The following DNAH14 variants were observed in gnomAD, a reference collection of about 807,000 sequenced individuals.
DNAH14 encodes the protein axonemal beta dynein heavy chain 14.
In DNAH14, 478 loss-of-function variants were observed where a neutral mutation model predicts 520.9. That is an observed-to-expected ratio of 0.92 (90% CI 0.85 to 0.99). The LOEUF (loss-of-function observed/expected upper bound fraction) is 0.99. Ranked by LOEUF, DNAH14 falls within the 50% of genes least tolerant of loss-of-function variation. The pLI is 0.00. For synonymous variants in DNAH14, 1,581 were observed against 1,757.2 expected, an observed-to-expected ratio of 0.90 and a Z score of 2.51; for missense variants, 4,831 against 5,234.5, an observed-to-expected ratio of 0.92 and a Z score of 2.38.
chr1:225,025,673 T>G (rs914947117), intron 11 of DNAH14, among the ~76,000 whole-genome samples: 1 of 152,150 alleles, frequency 6.6e-6, no homozygotes, highest in Admixed American at 6.6e-5. Context: ...GAGGATCACT[T>G]GAGCCCAGGA....
chr1:224,952,570 A>G (rs962651592), intron 1 of DNAH14, 100 bp from the exon 2 acceptor site: 11 of 571,490 alleles, frequency 1.9e-5, no homozygotes, highest in South Asian at 6.5e-5. Context: ...TATTAAGCCT[A>G]TTGAGAAGCT....
At chr1:225,110,950 TG>T (rs1264622219) in intron 23 of DNAH14, among the ~76,000 whole-genome samples, 1 of 152,154 alleles carries the variant, frequency 6.6e-6, no homozygotes, top group Non-Finnish European at 1.5e-5. Flanking sequence ...CTCTTGTAAT[TG>T]AATTCTAGTT....
intron 11 of DNAH14, among the ~76,000 whole-genome samples, chr1:225,031,768 A>G (rs2066546698): frequency 6.6e-6 from 1 of 151,962 alleles, no homozygotes; most frequent in Non-Finnish European, 1.5e-5. Context: ...TTAGTTGTTC[A>G]TGTATTTTAA....
chr1:225,377,577 T>C, intron 79 of DNAH14, 141 bp downstream of exon 79: 1 of 753,364 alleles, frequency 1.3e-6, no homozygotes, highest in South Asian at 2.2e-5. Context: ...CTGAGCAACA[T>C]GGTGAAACCC....
At chr1:225,375,319 A>G (rs1023862088) in intron 78 of DNAH14, among the ~76,000 whole-genome samples, 3 of 152,216 alleles carry the variant, frequency 2.0e-5, no homozygotes, top group African/African-American at 7.2e-5. Flanking sequence ...TTTGTGGAGC[A>G]GAAAACTCCA....
chr1:225,284,007 A>C (rs1604778), intron 54 of DNAH14, among the ~76,000 whole-genome samples: 84,015 of 151,896 alleles, frequency 0.55, 23,520 homozygotes, highest in East Asian at 0.79. Flanking sequence ...TAATATAAAG[A>C]TGTTCTTTAA....
At chr1:225,109,874 G>C (rs990977501) in intron 23 of DNAH14, among the ~76,000 whole-genome samples, 3 of 151,876 alleles carry the variant, frequency 2.0e-5, no homozygotes, top group South Asian at 4.2e-4. Context: ...TTATTTTGTT[G>C]GATATGTTTC....
chr1:225,367,479 T>C (rs190016597), intron 76 of DNAH14, among the ~76,000 whole-genome samples: 1 of 152,340 alleles, frequency 6.6e-6, no homozygotes, highest in Non-Finnish European at 1.5e-5. Flanking sequence ...CCATTGACAC[T>C]AAGTTTAGGC....
Position 225,202,682 on chromosome 1 carries a change from C to T in DNAH14, c.5887-1501C>T, listed in dbSNP as rs149340600. Reference sequence around the variant, plus strand: ...CTATGGAGTCTGCACACTGGATTCACGCCCTTCCCTGAGTTCTGACCAGGA... The same window carrying T: ...CTATGGAGTCTGCACACTGGATTCATGCCCTTCCCTGAGTTCTGACCAGGA... On this transcript the variant is annotated intron_variant, in intron 38 of 85. Transcript: ENST00000682510. Among the ~76,000 whole-genome samples the T allele has an allele frequency of 2.4e-4, 36 of 152,306 alleles. No individual in the cohort carries two copies. In the East Asian group the frequency reaches 5.0e-3, roughly 21 times the overall value.
At chr1:225,021,780 A>G (rs2065718553) in intron 10 of DNAH14, among the ~76,000 whole-genome samples, 1 of 152,190 alleles carries the variant, frequency 6.6e-6, no homozygotes, top group Non-Finnish European at 1.5e-5. Context: ...TCAAAAAAAA[A>G]ACTATTCTAA....
chr1:225,188,384 C>T (rs1288307393), intron 37 of DNAH14, among the ~76,000 whole-genome samples: 1 of 151,882 alleles, frequency 6.6e-6, no homozygotes, highest in Non-Finnish European at 1.5e-5. Flanking sequence ...ACAAAGATTA[C>T]ATTCATATCA....
intron 41 of DNAH14, among the ~76,000 whole-genome samples, chr1:225,219,386 T>TA (rs796374571): frequency 1.8e-3 from 249 of 134,944 alleles, no homozygotes; most frequent in Middle Eastern, 3.8e-3. Context: ...GGAGCTGGTT[T>TA]AAAAAAAAAA....
At chr1:225,061,693 T>G (rs998778995) in intron 17 of DNAH14, among the ~76,000 whole-genome samples, 2 of 152,180 alleles carry the variant, frequency 1.3e-5, no homozygotes, top group Non-Finnish European at 1.5e-5. Context: ...CTTGTTATGT[T>G]GCCCAGGCTG....
intron 36 of DNAH14, among the ~76,000 whole-genome samples, chr1:225,181,382 T>C (rs1012141102): frequency 3.3e-5 from 5 of 152,222 alleles, no homozygotes; most frequent in Admixed American, 6.5e-5. Flanking sequence ...GTTCTATTTT[T>C]AGTTCTTTGA....
chr1:225,148,633 C>T (rs1187239409), intron 31 of DNAH14, among the ~76,000 whole-genome samples: 1 of 152,000 alleles, frequency 6.6e-6, no homozygotes, highest in Non-Finnish European at 1.5e-5. Flanking sequence ...AACTCCTGAC[C>T]TTGTGATGTG....
chr1:225,294,151 G>C (rs2093955062), intron 55 of DNAH14, among the ~76,000 whole-genome samples: 1 of 152,144 alleles, frequency 6.6e-6, no homozygotes, highest in Admixed American at 6.5e-5. Flanking sequence ...ATCATGAAAG[G>C]ATGTTGGATT....
chr1:225,220,958 T>C (rs1406967464), intron 41 of DNAH14, among the ~76,000 whole-genome samples: 5 of 152,066 alleles, frequency 3.3e-5, no homozygotes, highest in Non-Finnish European at 7.4e-5. Flanking sequence ...AAAACAGATA[T>C]ATAGACCAAT....
intron 8 of DNAH14, among the ~76,000 whole-genome samples, chr1:225,001,905 A>G (rs2063801110): frequency 6.6e-6 from 1 of 151,702 alleles, no homozygotes; most frequent in African/African-American, 2.4e-5. Flanking sequence ...AGGCTTATAT[A>G]ATTGGGGAGG....
chr1:224,968,394 A>G (rs1439793726), intron 6 of DNAH14, among the ~76,000 whole-genome samples: 1 of 152,152 alleles, frequency 6.6e-6, no homozygotes, highest in East Asian at 1.9e-4. Context: ...ATAAGATTAT[A>G]CACACATTTC....
Sources: gnomAD v4.1 joint callset for allele counts (sites outside exome capture counted in the v4.1 genomes callset) on GRCh38, gnomAD v4.1.1 for gene constraint, MANE v1.5 for transcripts, NCBI Gene and HGNC (gene_info 2026-07-23, HGNC 2026-07-21) for gene names.